The following SLC24A2 variants were observed in gnomAD, a reference collection of about 807,000 sequenced individuals.
SLC24A2 encodes the protein solute carrier family 24 member 2.
A neutral mutation model predicts 62.0 loss-of-function variants in SLC24A2; 36 were observed. That is an observed-to-expected ratio of 0.58 (90% confidence interval 0.44 to 0.77). The LOEUF (loss-of-function observed/expected upper bound fraction) is 0.77, where lower values mean the gene tolerates loss of function less well. Ranked by LOEUF, SLC24A2 falls within the 30% of genes least tolerant of loss-of-function variation. The pLI, the probability that SLC24A2 is intolerant of heterozygous loss-of-function variation, is 0.00. For synonymous variants in SLC24A2, 358 were observed against 294.0 expected (o/e 1.22, Z -2.23); for missense variants, 846 against 817.9 (o/e 1.03, Z -0.42).
chr9:19,829,195 T>A, the SLC24A2 span, among the ~76,000 whole-genome samples: 1 of 152,166 alleles, frequency 6.6e-6, no homozygotes, highest in Admixed American at 6.5e-5. Flanking sequence ...TTTCTCTGTG[T>A]CACTTTTCTT....
the SLC24A2 span, among the ~76,000 whole-genome samples, chr9:19,819,993 G>GTATA: frequency 8.4e-3 from 1,041 of 123,776 alleles, 12 homozygotes; most frequent in Non-Finnish European, 0.012. Flanking sequence ...AGAAACTGCA[G>GTATA]TATATATATA....
intron 3 of SLC24A2, among the ~76,000 whole-genome samples, chr9:19,622,039 A>T (rs1423873449): frequency 1.3e-5 from 2 of 152,196 alleles, no homozygotes; most frequent in East Asian, 3.8e-4. Context: ...AGAAAATTCA[A>T]ACTTTTGAAA....
chr9:19,755,811 T>C (rs1195719658), intron 2 of SLC24A2, among the ~76,000 whole-genome samples: 2 of 152,238 alleles, frequency 1.3e-5, no homozygotes, highest in Non-Finnish European at 2.9e-5. Context: ...CGTAAATTAA[T>C]AGATTGTCAC....
intron 2 of SLC24A2, among the ~76,000 whole-genome samples, chr9:19,697,669 G>A (rs935731783): frequency 1.1e-4 from 17 of 152,048 alleles, no homozygotes; most frequent in Non-Finnish European, 2.2e-4. Context: ...ATTATACCAA[G>A]TAGTGAAACA....
chr9:19,828,488 A>G, the SLC24A2 span, among the ~76,000 whole-genome samples: 2,842 of 152,314 alleles, frequency 0.019, 96 homozygotes, highest in African/African-American at 0.065. Context: ...ACAAACCAAA[A>G]GAACCTGAAT....
At chr9:20,251,310 T>A in the SLC24A2 span, among the ~76,000 whole-genome samples, 2 of 152,020 alleles carry the variant, frequency 1.3e-5, no homozygotes, top group African/African-American at 4.8e-5. Context: ...TAGTATCCTT[T>A]ATAGAAGCAG....
At chr9:19,659,164 A>G (rs1364949682) in intron 2 of SLC24A2, among the ~76,000 whole-genome samples, 1 of 152,156 alleles carries the variant, frequency 6.6e-6, no homozygotes, top group East Asian at 1.9e-4. Flanking sequence ...AGACAGAGAG[A>G]CACACAGAGG....
the SLC24A2 span, among the ~76,000 whole-genome samples, chr9:19,969,159 C>A: frequency 6.8e-6 from 1 of 146,576 alleles, no homozygotes; most frequent in Non-Finnish European, 1.5e-5. Context: ...AATTCCCTAA[C>A]CTCTGCGTCC....
In SLC24A2 at chr9:19,541,350, G is replaced by A. The variant is rs1019853153; in HGVS notation, c.1479+8787C>T. Among the ~76,000 whole-genome samples, 17 of 150,560 alleles carry A rather than the reference G, an allele frequency of 1.1e-4. No homozygotes were observed. The East Asian group carries it at 2.7e-3, about 24-fold the overall frequency. On this transcript the variant is annotated intron_variant, in intron 8 of 10. Transcript: ENST00000341998. ...ATCTTTGTGGTTTTATCTACTTTTGGTCTTTGATGATGGTGATGTACAGAT... is the reference window on the plus strand; with the variant it reads ...ATCTTTGTGGTTTTATCTACTTTTGATCTTTGATGATGGTGATGTACAGAT...
At chr9:19,531,042 G>A (rs1039729683) in intron 8 of SLC24A2, among the ~76,000 whole-genome samples, 2 of 152,070 alleles carry the variant, frequency 1.3e-5, no homozygotes, top group Non-Finnish European at 2.9e-5. Flanking sequence ...TGCTCTGAAT[G>A]TCAGAAAATT....
rs1832766380 is a variant in SLC24A2 at position 19,512,808 on chromosome 9, G to C, written c.*3345C>G. 1 of 152,224 alleles carries C rather than the reference G, an allele frequency of 6.6e-6. No individual in the cohort carries two copies. Among genetic ancestry groups the C allele is most frequent in the African/African-American group, 2.4e-5 (1 of 41,530 alleles). 9.4% of individuals were successfully genotyped at this position (152,224 alleles called of 1,614,324 possible). Reference sequence around the variant, plus strand: ...TTATACCCTGCTCCAGAGAAGCAAAGAGAGTATCTGCAGTCTAAATTTTTG... The same window carrying C: ...TTATACCCTGCTCCAGAGAAGCAAACAGAGTATCTGCAGTCTAAATTTTTG... On this transcript the variant is annotated 3_prime_UTR_variant, in exon 11 of 11. Transcript: ENST00000341998.
At chr9:19,609,709 T>C (rs1445159646) in intron 4 of SLC24A2, among the ~76,000 whole-genome samples, 1 of 152,196 alleles carries the variant, frequency 6.6e-6, no homozygotes, top group Admixed American at 6.5e-5. Context: ...TAAATAATCC[T>C]TTAGTTCACC....
intron 2 of SLC24A2, among the ~76,000 whole-genome samples, chr9:19,698,586 A>G (rs905256130): frequency 6.6e-6 from 1 of 152,190 alleles, no homozygotes; most frequent in African/African-American, 2.4e-5. Context: ...TTCATCTTTA[A>G]TGACTTCAGT....
chr9:19,613,340 G>C (rs1817673839), intron 4 of SLC24A2, among the ~76,000 whole-genome samples: 1 of 152,190 alleles, frequency 6.6e-6, no homozygotes, highest in African/African-American at 2.4e-5. Context: ...TTCCTGTCTA[G>C]AGATGGCAGC....
chr9:20,172,111 G>C, the SLC24A2 span, among the ~76,000 whole-genome samples: 8 of 152,082 alleles, frequency 5.3e-5, no homozygotes, highest in African/African-American at 1.9e-4. Context: ...GCTCCGGAAT[G>C]ATCACTGGGT....
At chr9:20,165,763 C>A in the SLC24A2 span, among the ~76,000 whole-genome samples, 4 of 151,692 alleles carry the variant, frequency 2.6e-5, no homozygotes, top group Non-Finnish European at 5.9e-5. Context: ...TCAAAATCCA[C>A]GTGTGACAAT....
the SLC24A2 span, among the ~76,000 whole-genome samples, chr9:20,073,962 A>G: frequency 9.9e-4 from 148 of 149,866 alleles, 1 homozygote; most frequent in South Asian, 2.9e-3. Flanking sequence ...ATACACACAC[A>G]TATCCTTGTG....
intron 2 of SLC24A2, among the ~76,000 whole-genome samples, chr9:19,751,170 TA>T (rs956328431): frequency 3.9e-5 from 6 of 152,108 alleles, no homozygotes; most frequent in Admixed American, 3.3e-4. Context: ...CGGTAATAAT[TA>T]TAGCAGTAAA....
intron 4 of SLC24A2, among the ~76,000 whole-genome samples, chr9:19,613,218 A>T (rs1286893963): frequency 5.9e-5 from 9 of 152,144 alleles, no homozygotes; most frequent in Admixed American, 5.9e-4. Flanking sequence ...TCTACTAGTC[A>T]TTTGCCTTGT....
Sources: gnomAD v4.1 joint callset for allele counts (sites outside exome capture counted in the v4.1 genomes callset) on GRCh38, gnomAD v4.1.1 for gene constraint, MANE v1.5 for transcripts, NCBI Gene and HGNC (gene_info 2026-07-23, HGNC 2026-07-21) for gene names.